The following PAX5 variants were observed in gnomAD, a reference collection of about 807,000 sequenced individuals.
PAX5 encodes paired box protein Pax-5.
A neutral mutation model predicts 43.7 loss-of-function variants in PAX5; 9 were observed. That is an observed-to-expected ratio of 0.21 (90% CI 0.12 to 0.36). The LOEUF (loss-of-function observed/expected upper bound fraction) is 0.36, where lower values mean the gene tolerates loss of function less well. PAX5 is among the 10% of genes least tolerant of loss of function. PAX5 has a pLI of 1.00. For missense variants in PAX5, 383 were observed against 532.7 expected, an observed-to-expected ratio of 0.72 and a Z score of 2.77; for synonymous variants, 228 against 214.3, an observed-to-expected ratio of 1.06 and a Z score of -0.56.
At chr9:36,935,830 T>C (rs776507448) in intron 6 of PAX5, among the ~76,000 whole-genome samples, 1 of 152,210 alleles carries the variant, frequency 6.6e-6, no homozygotes, top group Admixed American at 6.5e-5. Context: ...CTGGTCTCCC[T>C]ACATTGGTCC....
chr9:36,876,017 G>A (rs1825878516), intron 8 of PAX5, among the ~76,000 whole-genome samples: 1 of 152,204 alleles, frequency 6.6e-6, no homozygotes, highest in African/African-American at 2.4e-5. Flanking sequence ...ACTGGGGAAG[G>A]CCTCTCTATG....
intron 5 of PAX5, among the ~76,000 whole-genome samples, chr9:36,979,483 G>A (rs748483970): frequency 3.3e-5 from 5 of 152,200 alleles, no homozygotes; most frequent in Non-Finnish European, 7.3e-5. Flanking sequence ...AAGGATAACA[G>A]CGACAAAATG....
chr9:36,998,532 G>A (rs1291047493), intron 5 of PAX5, among the ~76,000 whole-genome samples: 3 of 152,224 alleles, frequency 2.0e-5, no homozygotes, highest in African/African-American at 7.2e-5. Context: ...CACCTACTAT[G>A]TGCCAAGCAC....
chr9:36,986,837 G>T (rs916550564), intron 5 of PAX5, among the ~76,000 whole-genome samples: 6 of 152,176 alleles, frequency 3.9e-5, no homozygotes, highest in Admixed American at 2.0e-4. Flanking sequence ...GACTCGGTGC[G>T]CCCTTGAGCG....
chr9:36,850,914 C>T (rs1823099673), intron 8 of PAX5, among the ~76,000 whole-genome samples: 1 of 152,220 alleles, frequency 6.6e-6, no homozygotes, highest in African/African-American at 2.4e-5. Flanking sequence ...CCCAAAGCCT[C>T]ATGGGACTGG....
intron 8 of PAX5, among the ~76,000 whole-genome samples, chr9:36,865,952 G>A (rs762355612): frequency 1.5e-4 from 23 of 152,216 alleles, no homozygotes; most frequent in Admixed American, 2.6e-4. Context: ...GCCCATCCTC[G>A]GGCAGGTGGG....
At position 36,836,788 on chromosome 9, in the gene PAX5, G is replaced by A. The variant is rs1821674246; in HGVS notation, c.*3772C>T. 1 of 232,344 alleles carries A rather than the reference G, an allele frequency of 4.3e-6. No homozygotes were observed. Among genetic ancestry groups the A allele is most frequent in the Non-Finnish European group, 8.5e-6 (1 of 117,532 alleles). 14.4% of individuals were successfully genotyped at this position (232,344 alleles called of 1,614,324 possible). The stretch of plus-strand genomic sequence containing the variant: ...TCCAAAGTGCGAAGGCAAAGAAAGG[G>A]AAGTGGGGGACAGCACATGACCTTG... On this transcript the variant is annotated 3_prime_UTR_variant, in exon 10 of 10. Coordinates refer to ENST00000358127, the MANE Select transcript of PAX5 (RefSeq NM_016734.3).
At chr9:36,862,049 C>T (rs1482261282) in intron 8 of PAX5, among the ~76,000 whole-genome samples, 1 of 152,144 alleles carries the variant, frequency 6.6e-6, no homozygotes, top group Non-Finnish European at 1.5e-5. Flanking sequence ...CTGGCCAAAG[C>T]CAAGGGCACT....
At position 36,988,760 on chromosome 9, in the gene PAX5, A is replaced by G. The variant is rs934124994; in HGVS notation, c.604+13888T>C. The stretch of plus-strand genomic sequence containing the variant: ...AACGAGATCTTTTTGAGGAATCTAG[A>G]TTCAGAGTAAAAACACTTTGCTCTG... On this transcript the variant is annotated intron_variant, in intron 5 of 9. Coordinates refer to ENST00000358127, the MANE Select transcript of PAX5 (RefSeq NM_016734.3). 4.6e-5 allele frequency among the ~76,000 whole-genome samples: 7 copies of G among 152,252 alleles called. No individual in the cohort carries two copies. In the East Asian group the frequency reaches 9.6e-4, roughly 21 times the overall value.
intron 1 of PAX5, among the ~76,000 whole-genome samples, chr9:37,031,430 G>A (rs556302095): frequency 1.3e-5 from 2 of 152,290 alleles, no homozygotes; most frequent in South Asian, 4.1e-4. Context: ...CTGTGAGACT[G>A]GATGTCAATG....
intron 8 of PAX5, among the ~76,000 whole-genome samples, chr9:36,880,216 C>G (rs979288165): frequency 2.0e-5 from 3 of 152,284 alleles, no homozygotes; most frequent in African/African-American, 7.2e-5. Context: ...TCCTGCTGAG[C>G]TCCCCACCCT....
rs552640079 is a variant in PAX5, at chr9:36,878,804, C to T, written c.1012+3200G>A. 2.5e-3 allele frequency among the ~76,000 whole-genome samples: 388 copies of T among 152,342 alleles called. 1 individual carries two copies. The highest frequency in any genetic ancestry group is 4.8e-3 in the Non-Finnish European group (324 of 68,030). On this transcript the variant is annotated intron_variant, in intron 8 of 9. Transcript: ENST00000358127. ...TTGTTGGAAACAAGAGTCCCAAAGACCTGACCCTGTTTGGCCATTGAGAAA... is the reference window on the plus strand; with the variant it reads ...TTGTTGGAAACAAGAGTCCCAAAGATCTGACCCTGTTTGGCCATTGAGAAA...
intron 5 of PAX5, among the ~76,000 whole-genome samples, chr9:36,977,024 C>A (rs1259351963): frequency 6.6e-6 from 1 of 152,180 alleles, no homozygotes; most frequent in African/African-American, 2.4e-5. Context: ...AGCTTCAAGT[C>A]TTAGCCCCGT....
chr9:36,913,701 C>A (rs1036843244), intron 7 of PAX5, among the ~76,000 whole-genome samples: 1 of 152,158 alleles, frequency 6.6e-6, no homozygotes, highest in Non-Finnish European at 1.5e-5. Flanking sequence ...GCATATATAT[C>A]CCTCTCTAAT....
intron 8 of PAX5, among the ~76,000 whole-genome samples, chr9:36,879,084 G>A (rs1055378537): frequency 3.9e-5 from 6 of 152,196 alleles, no homozygotes; most frequent in Non-Finnish European, 7.3e-5. Context: ...CTCCACACTC[G>A]TGCACCCTCC....
chr9:36,860,896 G>T (rs72735605), intron 8 of PAX5: 4,778 of 152,386 alleles, frequency 0.031, 119 homozygotes, highest in South Asian at 0.063. Context: ...TGGACCAGAA[G>T]GCAGGAGCCC....
intron 1 of PAX5, 131 bp downstream of exon 1, chr9:37,033,855 A>C (rs2132591485): frequency 1.4e-6 from 1 of 718,344 alleles, no homozygotes; most frequent in African/African-American, 1.8e-5. Flanking sequence ...AACATAACAA[A>C]CACGCCGCAG....
chr9:36,897,057 C>T (rs1827931560), intron 7 of PAX5, among the ~76,000 whole-genome samples: 1 of 152,158 alleles, frequency 6.6e-6, no homozygotes, highest in Non-Finnish European at 1.5e-5. Context: ...TCAGGAGGAC[C>T]TAGAAGGAGA....
At chr9:36,973,078 C>CGGAAT (rs1324043285) in intron 5 of PAX5, among the ~76,000 whole-genome samples, 1 of 21,526 alleles carries the variant, frequency 4.6e-5, no homozygotes, top group Non-Finnish European at 1.1e-4. Context: ...AGGAACGGAA[C>CGGAAT]GGAACGGAAA....
Sources: allele counts gnomAD v4.1 joint callset (sites outside exome capture counted in the v4.1 genomes callset), GRCh38; gene constraint gnomAD v4.1.1; transcripts MANE v1.5; gene names NCBI Gene and HGNC (gene_info 2026-07-23, HGNC 2026-07-21).